FCRL2: variants seen among roughly 807,000 people sequenced by gnomAD.
FCRL2 encodes the protein Fc receptor-like protein 2.
FCRL2 carries 48 observed loss-of-function variants against 59.8 expected under a neutral mutation model. The observed-to-expected ratio is 0.80, with a 90% CI of 0.64 to 1.02. FCRL2 has a LOEUF of 1.02. Ranked by LOEUF, FCRL2 falls within the 50% of genes least tolerant of loss-of-function variation. The pLI is 0.00. For missense variants in FCRL2, 658 were observed against 597.3 expected (o/e 1.10, Z -1.06); for synonymous variants, 251 against 229.5 (o/e 1.09, Z -0.85).
intron 7 of FCRL2, among the ~76,000 whole-genome samples, chr1:157,757,496 A>T (rs1648688691): frequency 6.6e-6 from 1 of 152,176 alleles, no homozygotes; most frequent in African/African-American, 2.4e-5. Context: ...TTAAAAAAAA[A>T]AGAAAGAACA....
At position 157,748,587 on chromosome 1, in the gene FCRL2, A is replaced by G; in HGVS notation, c.1425T>C (p.Ser475=). 1 of 1,613,960 alleles carries G rather than the reference A, an allele frequency of 6.2e-7. No individual in the cohort carries two copies. The highest frequency in any genetic ancestry group is 8.5e-7 in the Non-Finnish European group (1 of 1,179,854). The change falls in exon 10 of 12, where the codon TCT becomes TCC. Residue 475 remains serine (S), a synonymous_variant. Coordinates refer to ENST00000361516, the MANE Select transcript of FCRL2 (RefSeq NM_030764.4). The stretch of plus-strand genomic sequence containing the variant: ...CTGGCTGCTGCATGCTCCAGACCTG[A>G]GAATAAACCACATCCACATCTACAG... ...VGSVDVDVVY[S]QVWSMQQPES... is the part of the protein sequence containing the mutation.
intron 10 of FCRL2, among the ~76,000 whole-genome samples, chr1:157,747,661 C>T (rs1647853070): frequency 6.6e-6 from 1 of 152,276 alleles, no homozygotes; most frequent in Non-Finnish European, 1.5e-5. Flanking sequence ...ACCAGGAGTA[C>T]AGAACAAAGG....
chr1:157,770,728 T>A, intron 2 of FCRL2, 62 bp from the exon 3 acceptor site: 1 of 1,583,346 alleles, frequency 6.3e-7, no homozygotes, highest in Non-Finnish European at 8.6e-7. Flanking sequence ...CAGACTCCAT[T>A]GGCAGTGAGG....
chr1:157,765,696 G>A (rs1474968431), intron 7 of FCRL2, among the ~76,000 whole-genome samples: 3 of 152,184 alleles, frequency 2.0e-5, no homozygotes, highest in South Asian at 4.1e-4. Flanking sequence ...AACTCTTGGT[G>A]TTATATGTGG....
chr1:157,757,924 T>C (rs1173538197), intron 7 of FCRL2, among the ~76,000 whole-genome samples: 1 of 152,210 alleles, frequency 6.6e-6, no homozygotes, highest in African/African-American at 2.4e-5. Flanking sequence ...ATGGTGCCAC[T>C]GCGCTCTAGC....
chr1:157,772,478 G>A (rs1273236470), intron 2 of FCRL2, among the ~76,000 whole-genome samples: 2 of 152,140 alleles, frequency 1.3e-5, no homozygotes, highest in South Asian at 2.1e-4. Context: ...AGGGTGAGCC[G>A]GCTTGCAGCT....
chr1:157,763,445 A>G (rs1432243334), intron 7 of FCRL2, among the ~76,000 whole-genome samples: 1 of 152,046 alleles, frequency 6.6e-6, no homozygotes, highest in Non-Finnish European at 1.5e-5. Context: ...GAATCTCTTG[A>G]ACCCGAGAGG....
chr1:157,768,284 C>G, intron 5 of FCRL2, 130 bp downstream of exon 5: 1 of 880,736 alleles, frequency 1.1e-6, no homozygotes, highest in East Asian at 2.5e-5. Flanking sequence ...CAAGCGTAAC[C>G]CATTTTCAAA....
chr1:157,770,818 A>G, intron 2 of FCRL2, 152 bp from the exon 3 acceptor site: 2 of 850,128 alleles, frequency 2.4e-6, no homozygotes, highest in Non-Finnish European at 1.8e-6. Flanking sequence ...GTTTCATCCC[A>G]TGTTTCCTGA....
Position 157,746,111 on chromosome 1 carries a change from C to A in FCRL2, c.*625G>T, listed in dbSNP as rs796216103. 56 of 152,296 alleles carry A rather than the reference C, an allele frequency of 3.7e-4. No homozygotes were observed. The highest frequency in any genetic ancestry group is 1.2e-3 in the African/African-American group (49 of 41,550). The allele number at this position is 152,296 out of a possible 1,614,324, so 9.4% of individuals were successfully genotyped here. A position where few individuals can be genotyped will look rare whatever the true frequency, so the allele number is the denominator to read the frequency against. ...TAGTAATAAAAAACTTACCAACCAA[C>A]ACAAAAGCCCTAGACCAGATGGATT... On this transcript the variant is annotated 3_prime_UTR_variant, in exon 12 of 12. Coordinates refer to ENST00000361516, the MANE Select transcript of FCRL2 (RefSeq NM_030764.4).
chr1:157,760,725 AAG>A (rs1364737605), intron 7 of FCRL2, among the ~76,000 whole-genome samples: 5 of 149,366 alleles, frequency 3.3e-5, no homozygotes, highest in African/African-American at 1.2e-4. Flanking sequence ...GAAAGAAAGA[AAG>A]AAAGAAAGAA....
At chr1:157,759,368 C>T (rs768649340) in intron 7 of FCRL2, among the ~76,000 whole-genome samples, 13 of 152,088 alleles carry the variant, frequency 8.5e-5, no homozygotes, top group Non-Finnish European at 5.9e-5. Context: ...TAGGAAATAC[C>T]GTTCTGGACA....
intron 8 of FCRL2, among the ~76,000 whole-genome samples, chr1:157,749,356 CAAA>C (rs1648009027): frequency 6.6e-6 from 1 of 151,924 alleles, no homozygotes; most frequent in Non-Finnish European, 1.5e-5. Flanking sequence ...AAATATCTAA[CAAA>C]AACTTACTTA....
chr1:157,770,140 T>G lies in FCRL2; in HGVS notation c.321A>C (p.Gln107His), dbSNP rs376129365. 6.2e-7 allele frequency: 1 copy of G among 1,613,600 alleles called. No homozygotes were observed. ...AGGAGCTGGCAGTCAGCACAGGACG[T>G]TGAAAGAGCTCTAGAGAGAAGGATC... Reference protein sequence around the residue: ...IVKIKVQELFQRPVLTASSFQ... With the variant: ...IVKIKVQELFHRPVLTASSFQ... Residue 107 changes from glutamine (Q) to histidine (H), a missense_variant, in exon 4 of 12, where the codon CAA becomes CAC. Transcript: ENST00000361516.
At position 157,770,052 on chromosome 1, in the gene FCRL2, A is replaced by G. The variant is rs776058522; in HGVS notation, c.409T>C (p.Leu137=). ...AAGCAGAACTGGAGTTGAACATCCA[A>G]CCTCTGTGGAGAGAGCCGGGTCTCA... ...KCETRLSPQR[L]DVQLQFCFFR... The change falls in exon 4 of 12, where the codon TTG becomes CTG. Residue 137 remains leucine (L), a synonymous_variant. Transcript: ENST00000361516. 26 of 1,613,894 alleles carry G rather than the reference A, an allele frequency of 1.6e-5. No homozygotes were observed. The East Asian group carries it at 4.7e-4, about 29-fold the overall frequency.
rs759487385 is a variant in FCRL2 at position 157,748,563 on chromosome 1, T to C, written c.1449A>G (p.Pro483=). The C allele has an allele frequency of 6.8e-6, 11 of 1,613,730 alleles. No homozygotes were observed. The South Asian group carries it at 1.2e-4, about 18-fold the overall frequency. ...TTTGCAGTTTCTCACCTGAGCTTTC[T>C]GGCTGCTGCATGCTCCAGACCTGAG... ...VYSQVWSMQQ[P]ESSANIRTLL... The change falls in exon 10 of 12, where the codon CCA becomes CCG. Residue 483 remains proline, a synonymous_variant. Coordinates refer to ENST00000361516, the MANE Select transcript of FCRL2 (RefSeq NM_030764.4).
At chr1:157,762,945 T>C (rs1649213179) in intron 7 of FCRL2, among the ~76,000 whole-genome samples, 1 of 151,628 alleles carries the variant, frequency 6.6e-6, no homozygotes, top group Admixed American at 6.6e-5. Context: ...CTCAAGGGAG[T>C]CCTAAGCCTG....
intron 7 of FCRL2, among the ~76,000 whole-genome samples, chr1:157,750,322 C>A (rs1648094554): frequency 6.6e-6 from 1 of 152,190 alleles, no homozygotes; most frequent in Admixed American, 6.5e-5. Context: ...GGAAACAATG[C>A]CACATAGATG....
At chr1:157,748,148 G>A (rs935723996) in intron 10 of FCRL2, among the ~76,000 whole-genome samples, 2 of 152,106 alleles carry the variant, frequency 1.3e-5, no homozygotes, top group Non-Finnish European at 2.9e-5. Flanking sequence ...GCTGGGTGCA[G>A]TGGCTCACAC....
Sources: gnomAD v4.1 joint callset for allele counts (sites outside exome capture counted in the v4.1 genomes callset) on GRCh38, gnomAD v4.1.1 for gene constraint, MANE v1.5 for transcripts, NCBI Gene and HGNC (gene_info 2026-07-23, HGNC 2026-07-21) for gene names.